The following MGAT4C variants were observed in gnomAD, a reference collection of about 807,000 sequenced individuals.
The protein encoded by MGAT4C is MGAT4 family member C.
In MGAT4C, 19 loss-of-function variants were observed where a neutral mutation model predicts 40.1. That is an observed-to-expected ratio of 0.47 (90% CI 0.33 to 0.70). The LOEUF is 0.70. Among genes scored for constraint, MGAT4C ranks in the 30% least tolerant of loss-of-function variants. The probability of loss-of-function intolerance (pLI) is 0.02; values close to 1 mark genes in which losing one functional copy is unlikely to be tolerated. For synonymous variants in MGAT4C, 181 were observed against 187.1 expected (o/e 0.97, Z 0.27); for missense variants, 491 against 563.2 (o/e 0.87, Z 1.30).
intron 2 of MGAT4C, among the ~76,000 whole-genome samples, chr12:86,610,095 A>T (rs750216717): frequency 3.3e-5 from 5 of 152,140 alleles, no homozygotes; most frequent in Admixed American, 1.3e-4. Flanking sequence ...TTCACTGACC[A>T]TGCATGGCAA....
intron 1 of MGAT4C, among the ~76,000 whole-genome samples, chr12:86,215,320 C>A (rs1443672331): frequency 6.6e-6 from 1 of 152,120 alleles, no homozygotes; most frequent in Admixed American, 6.5e-5. Flanking sequence ...TAATCCAAAG[C>A]AAGACCCTCT....
intron 2 of MGAT4C, among the ~76,000 whole-genome samples, chr12:86,489,445 A>C (rs1344052602): frequency 6.6e-6 from 1 of 152,190 alleles, no homozygotes; most frequent in Non-Finnish European, 1.5e-5. Context: ...AGGCTGTCAC[A>C]CTAGCCCTTT....
intron 1 of MGAT4C, among the ~76,000 whole-genome samples, chr12:86,787,488 G>T (rs1463376397): frequency 6.6e-6 from 1 of 151,718 alleles, no homozygotes; most frequent in Admixed American, 6.6e-5. Context: ...TAGATATCCA[G>T]TAGTGAGATT....
intron 1 of MGAT4C, among the ~76,000 whole-genome samples, chr12:86,254,435 T>C (rs1952433678): frequency 6.6e-6 from 1 of 152,014 alleles, no homozygotes; most frequent in African/African-American, 2.4e-5. Flanking sequence ...AATGTCTAGA[T>C]CATTCATTAG....
intron 2 of MGAT4C, among the ~76,000 whole-genome samples, chr12:86,495,837 T>G (rs1399443020): frequency 6.6e-6 from 1 of 152,030 alleles, no homozygotes; most frequent in Non-Finnish European, 1.5e-5. Context: ...ACTCACCAGA[T>G]GACTACATCC....
chr12:86,212,655 G>A (rs34780648), intron 1 of MGAT4C, among the ~76,000 whole-genome samples: 1 of 150,048 alleles, frequency 6.7e-6, no homozygotes, highest in Non-Finnish European at 1.5e-5. Flanking sequence ...TTGGGAGGCC[G>A]AGGCGGGCGG....
In MGAT4C at chr12:86,712,169, A is replaced by G. The variant is rs952582608; in HGVS notation, c.-229+15040T>C. Among the ~76,000 whole-genome samples, 3 of 152,232 alleles carry G rather than the reference A, an allele frequency of 2.0e-5. No homozygotes were observed. The East Asian group carries it at 5.8e-4, about 29-fold the overall frequency. ...AAAAGATACGTTTGGAGAATAAATA[A>G]CTTATAAACTTATATTTAAAAGATA... On this transcript the variant is annotated intron_variant, in intron 2 of 7. Coordinates refer to the MGAT4C transcript ENST00000548651.
chr12:86,163,552 A>C (rs1250520528), intron 1 of MGAT4C, among the ~76,000 whole-genome samples: 1 of 152,182 alleles, frequency 6.6e-6, no homozygotes, highest in Non-Finnish European at 1.5e-5. Context: ...TATATCATTA[A>C]CAATGATCCT....
intron 1 of MGAT4C, among the ~76,000 whole-genome samples, chr12:86,238,250 G>C (rs1566198630): frequency 6.6e-6 from 1 of 151,902 alleles, no homozygotes; most frequent in African/African-American, 2.4e-5. Context: ...TAATACAAAA[G>C]ACTGAACACG....
At chr12:86,667,318 A>G (rs1398219161) in intron 2 of MGAT4C, among the ~76,000 whole-genome samples, 1 of 152,216 alleles carries the variant, frequency 6.6e-6, no homozygotes, top group African/African-American at 2.4e-5. Context: ...TAGATTAGGC[A>G]GAATTCACAC....
In MGAT4C at chr12:86,212,919, A is replaced by AC. The variant is rs1164775858; in HGVS notation, c.-57+43319_-57+43320insG. 2.0e-5 allele frequency among the ~76,000 whole-genome samples: 3 copies of AC among 147,204 alleles called. 1 individual carries two copies. Among genetic ancestry groups the AC allele is most frequent in the African/African-American group, 7.4e-5 (3 of 40,464 alleles). On this transcript the variant is annotated intron_variant, in intron 1 of 4. Coordinates refer to ENST00000611864, the MANE Select transcript of MGAT4C (RefSeq NM_001351288.2). ...AAAAAAAAAAAAAAAAAAAAAAAAAAAAGAACACTCATTAACTGTTAGTGA... is the reference window on the plus strand; with the variant it reads ...AAAAAAAAAAAAAAAAAAAAAAAAAACAAGAACACTCATTAACTGTTAGTGA...
chr12:86,304,270 C>A (rs1266567097), intron 4 of MGAT4C, among the ~76,000 whole-genome samples: 1 of 150,484 alleles, frequency 6.6e-6, no homozygotes, highest in African/African-American at 2.5e-5. Context: ...TGTAAGTTCA[C>A]TCTTTGAGCT....
At chr12:86,008,318 C>T (rs895430025) in intron 2 of MGAT4C, among the ~76,000 whole-genome samples, 10 of 151,956 alleles carry the variant, frequency 6.6e-5, no homozygotes, top group Non-Finnish European at 1.5e-4. Flanking sequence ...TTCAGGTCAT[C>T]TTTAATTTGT....
At chr12:86,682,346 T>A (rs1217868985) in intron 2 of MGAT4C, among the ~76,000 whole-genome samples, 1 of 152,020 alleles carries the variant, frequency 6.6e-6, no homozygotes, top group Non-Finnish European at 1.5e-5. Flanking sequence ...AGGTAACATG[T>A]TTAAGAAATA....
At chr12:86,325,096 GAAC>G (rs1239110700) in intron 4 of MGAT4C, among the ~76,000 whole-genome samples, 1 of 151,970 alleles carries the variant, frequency 6.6e-6, no homozygotes, top group Non-Finnish European at 1.5e-5. Flanking sequence ...ACACATGGAT[GAAC>G]AACAATTTGA....
chr12:86,630,852 G>T (rs181434354), intron 2 of MGAT4C, among the ~76,000 whole-genome samples: 14 of 152,302 alleles, frequency 9.2e-5, no homozygotes, highest in Admixed American at 9.2e-4. Context: ...ACAAGACAGG[G>T]ATGCCGTCTT....
chr12:86,703,300 G>T (rs1291251642), intron 2 of MGAT4C, among the ~76,000 whole-genome samples: 2 of 152,182 alleles, frequency 1.3e-5, no homozygotes, highest in Admixed American at 1.3e-4. Flanking sequence ...GAGAGGATTG[G>T]TTCCAATTTT....
rs1002920526 is a variant in MGAT4C at position 85,980,551 on chromosome 12, G to T, written c.296-121C>A. The T allele has an allele frequency of 7.3e-6, 6 of 821,562 alleles. 1 individual carries two copies. The highest frequency in any genetic ancestry group is 1.1e-5 in the Non-Finnish European group (6 of 547,130). 50.9% of individuals were successfully genotyped at this position (821,562 alleles called of 1,614,324 possible). A position where few individuals can be genotyped will look rare whatever the true frequency, so the allele number is the denominator to read the frequency against. On this transcript the variant is annotated intron_variant, in intron 4 of 4. Transcript: ENST00000611864. ...TACATATTAAGTAAATCTAGTAAAT[G>T]ACTATGCACAGAACATTTTATGATT...
intron 3 of MGAT4C, among the ~76,000 whole-genome samples, chr12:86,390,342 T>G (rs1252930765): frequency 6.6e-6 from 1 of 152,214 alleles, no homozygotes; most frequent in Non-Finnish European, 1.5e-5. Flanking sequence ...AGAAACAAAT[T>G]TTATTTATTA....
Sources: allele counts gnomAD v4.1 joint callset (sites outside exome capture counted in the v4.1 genomes callset), GRCh38; gene constraint gnomAD v4.1.1; transcripts MANE v1.5; gene names NCBI Gene and HGNC (gene_info 2026-07-23, HGNC 2026-07-21).